The following TMEM114 variants were observed in gnomAD, a reference collection of about 807,000 sequenced individuals.
TMEM114 encodes claudin-26.
A neutral mutation model predicts 6.2 loss-of-function variants in TMEM114; 6 were observed. That is an observed-to-expected ratio of 0.97 (90% confidence interval 0.53 to 1.91). The LOEUF (loss-of-function observed/expected upper bound fraction) is 1.91. TMEM114 is among the 40% of genes most tolerant of loss of function. The pLI, the probability that TMEM114 is intolerant of heterozygous loss-of-function variation, is 0.01. For synonymous variants in TMEM114, 104 were observed against 73.0 expected, an observed-to-expected ratio of 1.42 and a Z score of -2.16; for missense variants, 218 against 158.3, an observed-to-expected ratio of 1.38 and a Z score of -2.02.
intron 2 of TMEM114, among the ~76,000 whole-genome samples, chr16:8,549,433 G>A (rs1043576407): frequency 3.4e-5 from 5 of 148,968 alleles, no homozygotes; most frequent in Non-Finnish European, 5.9e-5. Context: ...CCAGGGGGCA[G>A]AGGTTGCAGT....
exon 3 of TMEM114, chr16:8,537,810 G>T (rs1166342620): frequency 1.3e-5 from 2 of 152,156 alleles, no homozygotes; most frequent in South Asian, 2.1e-4. Flanking sequence ...GACATCCATG[G>T]AGCTATCAAA....
the TMEM114 span, among the ~76,000 whole-genome samples, chr16:8,530,523 G>A: frequency 3.3e-5 from 5 of 152,002 alleles, no homozygotes; most frequent in African/African-American, 1.2e-4. Context: ...GAGAAGAAAG[G>A]AAAGAAGGAG....
intron 2 of TMEM114, among the ~76,000 whole-genome samples, chr16:8,556,931 C>T (rs182770524): frequency 3.9e-5 from 6 of 152,268 alleles, no homozygotes; most frequent in East Asian, 3.9e-4. Context: ...CCCTGCTGAC[C>T]GCTCCAGCCT....
chr16:8,561,274 C>G (rs537035376), intron 2 of TMEM114, among the ~76,000 whole-genome samples: 2 of 152,346 alleles, frequency 1.3e-5, no homozygotes, highest in Admixed American at 6.5e-5. Flanking sequence ...GCTAGTTAAT[C>G]AAGGCAAAAT....
At chr16:8,570,352 G>A (rs767826591) in intron 3 of TMEM114, among the ~76,000 whole-genome samples, 1 of 151,790 alleles carries the variant, frequency 6.6e-6, no homozygotes, top group Non-Finnish European at 1.5e-5. Context: ...GTCTCGCTCT[G>A]TCGCCCAGGC....
At chr16:8,533,009 C>G (rs1224880895), downstream of TMEM114, among the ~76,000 whole-genome samples, 1 of 152,188 alleles carries the variant, frequency 6.6e-6, no homozygotes, top group East Asian at 1.9e-4. Flanking sequence ...GAGCTACATT[C>G]TAAGCAGTAG....
chr16:8,527,054 C>T, the TMEM114 span, among the ~76,000 whole-genome samples: 2 of 152,106 alleles, frequency 1.3e-5, no homozygotes, highest in African/African-American at 4.8e-5. Context: ...CTAAACATAG[C>T]AAAATTAGCC....
intron 2 of TMEM114, among the ~76,000 whole-genome samples, chr16:8,563,735 G>T (rs1214052068): frequency 6.6e-6 from 1 of 150,732 alleles, no homozygotes; most frequent in African/African-American, 2.5e-5. Flanking sequence ...GTCAGTGAGT[G>T]AATGAATGAG....
chr16:8,561,668 A>G (rs1901205506), intron 2 of TMEM114, among the ~76,000 whole-genome samples: 1 of 152,260 alleles, frequency 6.6e-6, no homozygotes, highest in Non-Finnish European at 1.5e-5. Context: ...TGAATGAATG[A>G]GTGAATAAAT....
intron 2 of TMEM114, among the ~76,000 whole-genome samples, chr16:8,544,557 C>T (rs932252171): frequency 6.6e-6 from 1 of 152,150 alleles, no homozygotes; most frequent in African/African-American, 2.4e-5. Context: ...GGTAGACGAC[C>T]AACCTGTTGA....
rs1902445646 is a variant in TMEM114, at chr16:8,590,438, C to G, written c.-600G>C. Among the ~76,000 whole-genome samples the G allele has an allele frequency of 6.6e-6, 1 of 152,228 alleles. No homozygotes were observed. Among genetic ancestry groups the G allele is most frequent in the African/African-American group, 2.4e-5 (1 of 41,468 alleles). ...TCCCAGCCCTGCTCTCCAGGGTCTTCCCGCAGCTCCTGCTCTGGCCGGGGC... is the reference window on the plus strand; with the variant it reads ...TCCCAGCCCTGCTCTCCAGGGTCTTGCCGCAGCTCCTGCTCTGGCCGGGGC... On this transcript the variant is annotated 5_prime_UTR_variant, in exon 1 of 4. Transcript: ENST00000620492.
At chr16:8,554,309 C>A (rs189263920) in intron 2 of TMEM114, among the ~76,000 whole-genome samples, 3 of 152,002 alleles carry the variant, frequency 2.0e-5, no homozygotes, top group Non-Finnish European at 4.4e-5. Flanking sequence ...CAATTCCAGC[C>A]CTTTGGGAGG....
At chr16:8,567,809 C>T (rs1455917775), downstream of TMEM114, among the ~76,000 whole-genome samples, 4 of 152,318 alleles carry the variant, frequency 2.6e-5, no homozygotes, top group Middle Eastern at 3.4e-3. Context: ...TTCCACAATA[C>T]GACCAGCAGG....
downstream of TMEM114, among the ~76,000 whole-genome samples, chr16:8,569,298 C>CTAACCTGACCCCGCAGAAAGCTA (rs1901641276): frequency 2.0e-5 from 3 of 151,886 alleles, no homozygotes; most frequent in Non-Finnish European, 4.4e-5. Context: ...GTAGAAAGCC[C>CTAACCTGACCCCGCAGAAAGCTA]ATGTCATGCC....
intron 3 of TMEM114, among the ~76,000 whole-genome samples, chr16:8,570,518 G>C (rs549797126): frequency 3.3e-5 from 5 of 152,236 alleles, no homozygotes; most frequent in East Asian, 1.9e-4. Context: ...TTTTAGTAGA[G>C]ACAGGGTTTC....
downstream of TMEM114, among the ~76,000 whole-genome samples, chr16:8,534,048 C>T (rs1208772207): frequency 1.3e-5 from 2 of 152,200 alleles, no homozygotes; most frequent in African/African-American, 4.8e-5. Context: ...TCACTTCTCC[C>T]TCCTTCTGTC....
At chr16:8,564,009 ATGAG>A (rs1209800927) in intron 2 of TMEM114, among the ~76,000 whole-genome samples, 4 of 146,552 alleles carry the variant, frequency 2.7e-5, no homozygotes, top group East Asian at 4.2e-4. Flanking sequence ...GAGTGAGTGA[ATGAG>A]TATGTGAATG....
At chr16:8,589,373 C>G (rs1393409631) in intron 1 of TMEM114, 80 bp from the exon 2 acceptor site, 6 of 398,746 alleles carry the variant, frequency 1.5e-5, no homozygotes, top group African/African-American at 6.2e-5. Flanking sequence ...TGCCCCCATG[C>G]TCACCCTAAG....
At chr16:8,570,313 T>C (rs1901689849) in intron 3 of TMEM114, among the ~76,000 whole-genome samples, 2 of 106,930 alleles carry the variant, frequency 1.9e-5, no homozygotes, top group South Asian at 3.2e-4. Flanking sequence ...CAACTTTGCA[T>C]TCTTTTGTGT....
Sources: gnomAD v4.1 joint callset for allele counts (sites outside exome capture counted in the v4.1 genomes callset) on GRCh38, gnomAD v4.1.1 for gene constraint, MANE v1.5 for transcripts, NCBI Gene and HGNC (gene_info 2026-07-23, HGNC 2026-07-21) for gene names.